The following COMMD10 variants were observed in gnomAD, a reference collection of about 807,000 sequenced individuals.
COMMD10 encodes the protein COMM domain containing 10.
In COMMD10, 33 loss-of-function variants were observed where a neutral mutation model predicts 28.9. The ratio of observed to expected loss-of-function variants is 1.14; its 90% confidence interval spans 0.87 to 1.53. The LOEUF (loss-of-function observed/expected upper bound fraction) is 1.53, where lower values mean the gene tolerates loss of function less well. COMMD10 is among the 40% of genes most tolerant of loss of function. The pLI is 0.00. For synonymous variants in COMMD10, 110 were observed against 81.7 expected (o/e 1.35, Z -1.87); for missense variants, 310 against 233.4 (o/e 1.33, Z -2.14).
At chr5:116,100,093 T>C (rs1042516390) in intron 4 of COMMD10, among the ~76,000 whole-genome samples, 8 of 152,204 alleles carry the variant, frequency 5.3e-5, no homozygotes, top group Non-Finnish European at 8.8e-5. Context: ...AAACAAAGTT[T>C]TGACTGTGAC....
At chr5:116,228,039 C>G (rs532151845) in intron 5 of COMMD10, among the ~76,000 whole-genome samples, 2 of 152,004 alleles carry the variant, frequency 1.3e-5, no homozygotes, top group African/African-American at 4.8e-5. Flanking sequence ...TTATAGGAAA[C>G]AGGATTATGA....
intron 4 of COMMD10, among the ~76,000 whole-genome samples, chr5:116,099,371 C>T (rs1457393834): frequency 2.0e-5 from 3 of 152,130 alleles, no homozygotes. Flanking sequence ...TAGGTTGTTT[C>T]CTTATCTTGG....
At chr5:116,289,741 A>C (rs949507639) in intron 5 of COMMD10, among the ~76,000 whole-genome samples, 1 of 151,904 alleles carries the variant, frequency 6.6e-6, no homozygotes, top group East Asian at 1.9e-4. Context: ...TACACTGAAC[A>C]CTGTGAAATT....
At chr5:116,277,243 T>C (rs1750942554) in intron 5 of COMMD10, among the ~76,000 whole-genome samples, 1 of 151,844 alleles carries the variant, frequency 6.6e-6, no homozygotes, top group African/African-American at 2.4e-5. Flanking sequence ...GCTCCAGATA[T>C]ACTAAGGATT....
rs1401802636 is a variant in COMMD10 at position 116,085,257 on chromosome 5, T to G, written c.41+164T>G. On this transcript the variant is annotated intron_variant, in intron 1 of 6. Coordinates refer to ENST00000274458, the MANE Select transcript of COMMD10 (RefSeq NM_016144.4). ...AGGTTGCGACGCTGCGTCTGCGGAGTGCGTGGGGCCGTGTAGCGCCTCTAC... is the reference window on the plus strand; with the variant it reads ...AGGTTGCGACGCTGCGTCTGCGGAGGGCGTGGGGCCGTGTAGCGCCTCTAC... The G allele has an allele frequency of 4.6e-6, 3 of 655,824 alleles. No individual in the cohort carries two copies. The East Asian group carries it at 8.8e-5, about 19-fold the overall frequency. The allele number at this position is 655,824 out of a possible 1,614,324, so 40.6% of individuals were successfully genotyped here. A position where few individuals can be genotyped will look rare whatever the true frequency, so the allele number is the denominator to read the frequency against.
intron 5 of COMMD10, among the ~76,000 whole-genome samples, chr5:116,189,671 A>G (rs1034126582): frequency 8.5e-5 from 13 of 152,200 alleles, no homozygotes; most frequent in Admixed American, 7.9e-4. Flanking sequence ...TTTTATAGCC[A>G]CAGCTGCCAG....
In COMMD10 at chr5:116,260,408, A is replaced by T. The variant is rs563694950; in HGVS notation, c.511-31109A>T. 1.6e-4 allele frequency among the ~76,000 whole-genome samples: 25 copies of T among 151,924 alleles called. 1 individual carries two copies. In the East Asian group the frequency reaches 4.6e-3, roughly 28 times the overall value. ...GTTTAAGAACAACTTGCTTAAGGTG[A>T]TATTTTTATTTCATGGTAGCAAATG... is the stretch of plus-strand genomic sequence containing the variant. On this transcript the variant is annotated intron_variant, in intron 5 of 6. Coordinates refer to ENST00000274458, the MANE Select transcript of COMMD10 (RefSeq NM_016144.4).
chr5:116,246,427 G>T (rs1043512482), intron 5 of COMMD10, among the ~76,000 whole-genome samples: 1 of 151,590 alleles, frequency 6.6e-6, no homozygotes, highest in Non-Finnish European at 1.5e-5. Context: ...TATAGATTCA[G>T]TGCTATTCCT....
intron 4 of COMMD10, among the ~76,000 whole-genome samples, chr5:116,127,651 T>G (rs1348793990): frequency 6.6e-6 from 1 of 152,164 alleles, no homozygotes; most frequent in African/African-American, 2.4e-5. Flanking sequence ...CTAGAAACCA[T>G]CATTCTGAGC....
chr5:116,099,430 A>AAGGT (rs3072953), intron 4 of COMMD10, among the ~76,000 whole-genome samples: 2 of 151,520 alleles, frequency 1.3e-5, no homozygotes. Context: ...ATATCTCTTC[A>AAGGT]ACTGATTTCA....
chr5:116,198,613 C>T (rs1437365622), intron 5 of COMMD10, among the ~76,000 whole-genome samples: 1 of 152,096 alleles, frequency 6.6e-6, no homozygotes, highest in African/African-American at 2.4e-5. Flanking sequence ...ACAGTACATC[C>T]ACCACTGTAG....
intron 5 of COMMD10, among the ~76,000 whole-genome samples, chr5:116,152,443 A>AT (rs1331992336): frequency 1.3e-5 from 2 of 152,076 alleles, no homozygotes; most frequent in Non-Finnish European, 2.9e-5. Context: ...GTAAATGTAG[A>AT]TAAAAAATCT....
chr5:116,156,363 G>T (rs965074090), intron 5 of COMMD10, among the ~76,000 whole-genome samples: 2 of 152,072 alleles, frequency 1.3e-5, no homozygotes, highest in Admixed American at 1.3e-4. Context: ...AATAGTAGGT[G>T]CCTCACAAGG....
intron 5 of COMMD10, among the ~76,000 whole-genome samples, chr5:116,231,728 G>A (rs1053505593): frequency 2.0e-5 from 3 of 152,116 alleles, no homozygotes; most frequent in South Asian, 4.1e-4. Context: ...ATTATAAAGT[G>A]TATTGTTTAT....
At chr5:116,164,190 G>A (rs772765597) in intron 5 of COMMD10, among the ~76,000 whole-genome samples, 37 of 152,134 alleles carry the variant, frequency 2.4e-4, no homozygotes, top group Admixed American at 1.9e-3. Flanking sequence ...GTATGGTGGC[G>A]CACGCCTATA....
chr5:116,266,373 C>G (rs1462843705), intron 5 of COMMD10, among the ~76,000 whole-genome samples: 1 of 151,492 alleles, frequency 6.6e-6, no homozygotes, highest in African/African-American at 2.4e-5. Flanking sequence ...GGGTATATTT[C>G]AATGGAAAGG....
At chr5:116,121,380 A>G (rs1279850934) in intron 4 of COMMD10, among the ~76,000 whole-genome samples, 3 of 152,202 alleles carry the variant, frequency 2.0e-5, no homozygotes, top group Non-Finnish European at 2.9e-5. Context: ...CCAGTCTATC[A>G]TTGCTGGACA....
At chr5:116,216,985 T>C (rs950512208) in intron 5 of COMMD10, among the ~76,000 whole-genome samples, 1 of 152,142 alleles carries the variant, frequency 6.6e-6, no homozygotes, top group Non-Finnish European at 1.5e-5. Context: ...TTTGAGGGGA[T>C]AGATTTTTAA....
At chr5:116,275,166 A>C (rs1750869809) in intron 5 of COMMD10, among the ~76,000 whole-genome samples, 1 of 151,776 alleles carries the variant, frequency 6.6e-6, no homozygotes, top group African/African-American at 2.4e-5. Context: ...CATCTCACCC[A>C]TGTCTTTCAT....
Sources: allele counts gnomAD v4.1 joint callset (sites outside exome capture counted in the v4.1 genomes callset), GRCh38; gene constraint gnomAD v4.1.1; transcripts MANE v1.5; gene names NCBI Gene and HGNC (gene_info 2026-07-23, HGNC 2026-07-21).